SLC35F4: variants seen among roughly 807,000 people sequenced by gnomAD.
The protein encoded by SLC35F4 is chromosome 14 open reading frame 36.
SLC35F4 carries 24 observed loss-of-function variants against 44.2 expected under a neutral mutation model. The observed-to-expected ratio is 0.54, with a 90% CI of 0.39 to 0.76. The LOEUF (loss-of-function observed/expected upper bound fraction) is 0.76. Among genes scored for constraint, SLC35F4 ranks in the 30% least tolerant of loss-of-function variants. The pLI is 0.00. For synonymous variants in SLC35F4, 238 were observed against 223.6 expected (o/e 1.06, Z -0.57); for missense variants, 562 against 586.1 (o/e 0.96, Z 0.42).
chr14:57,657,546 T>C (rs1294387167), intron 1 of SLC35F4, among the ~76,000 whole-genome samples: 1 of 152,198 alleles, frequency 6.6e-6, no homozygotes, highest in Non-Finnish European at 1.5e-5. Flanking sequence ...CATGCATCAT[T>C]TCCCCCAAAA....
chr14:57,718,124 T>C (rs563174082), intron 1 of SLC35F4, among the ~76,000 whole-genome samples: 3 of 152,242 alleles, frequency 2.0e-5, no homozygotes, highest in Non-Finnish European at 2.9e-5. Context: ...GAACATGCTA[T>C]GTTTGTCTTT....
intron 1 of SLC35F4, among the ~76,000 whole-genome samples, chr14:57,981,070 G>A (rs556068098): frequency 2.0e-5 from 3 of 152,312 alleles, no homozygotes; most frequent in Admixed American, 1.3e-4. Flanking sequence ...GAAGGCTGTT[G>A]CCAAACTTCT....
intron 1 of SLC35F4, among the ~76,000 whole-genome samples, chr14:57,676,909 T>A (rs1457163991): frequency 1.3e-5 from 2 of 152,094 alleles, no homozygotes; most frequent in East Asian, 3.8e-4. Context: ...ATCCCACTAC[T>A]GGGACCTACC....
intron 1 of SLC35F4, among the ~76,000 whole-genome samples, chr14:57,695,941 G>A (rs12435179): frequency 0.31 from 47,185 of 151,942 alleles, 7,380 homozygotes; most frequent in South Asian, 0.38. Context: ...ACTCAGGATG[G>A]ATTAAAGACT....
intron 1 of SLC35F4, among the ~76,000 whole-genome samples, chr14:57,667,498 C>A (rs968263640): frequency 5.5e-5 from 8 of 146,628 alleles, no homozygotes; most frequent in African/African-American, 2.1e-4. Context: ...CCCGACCCCA[C>A]AACAGGCCCC....
At chr14:57,931,982 C>T (rs1329324523) in intron 1 of SLC35F4, among the ~76,000 whole-genome samples, 1 of 152,214 alleles carries the variant, frequency 6.6e-6, no homozygotes, top group Non-Finnish European at 1.5e-5. Context: ...AGCAAATCTA[C>T]TTATTTACTC....
intron 1 of SLC35F4, among the ~76,000 whole-genome samples, chr14:57,957,261 G>T (rs1394122737): frequency 6.6e-6 from 1 of 152,058 alleles, no homozygotes; most frequent in Non-Finnish European, 1.5e-5. Context: ...GACATAGGGA[G>T]GGGAATATCA....
At chr14:57,580,509 G>T (rs552600532) in intron 4 of SLC35F4, 8 of 390,504 alleles carry the variant, frequency 2.0e-5, no homozygotes, top group South Asian at 1.6e-4. Context: ...ATGAGATCTG[G>T]CTCCTTAAAT....
chr14:57,903,433 A>T (rs1889047385), intron 1 of SLC35F4, among the ~76,000 whole-genome samples: 1 of 152,190 alleles, frequency 6.6e-6, no homozygotes, highest in African/African-American at 2.4e-5. Context: ...ACATTGGACA[A>T]TGTAAAGATA....
At chr14:57,651,432 C>A (rs574498510) in intron 1 of SLC35F4, among the ~76,000 whole-genome samples, 4 of 152,182 alleles carry the variant, frequency 2.6e-5, no homozygotes, top group African/African-American at 9.6e-5. Flanking sequence ...CCAGCCAGTG[C>A]CCCCAGCTCT....
Position 57,700,601 on chromosome 14 carries a change from C to T in SLC35F4, c.104-106477G>A, listed in dbSNP as rs909288218. On this transcript the variant is annotated intron_variant, in intron 1 of 7. Transcript: ENST00000556826. ...TTAGCTTAAAACACACATTGTATAC[C>T]TGTACAAAAACATTTTCAGGCCAGG... 4.6e-5 allele frequency among the ~76,000 whole-genome samples: 7 copies of T among 151,982 alleles called. No homozygotes were observed. The East Asian group carries it at 1.2e-3, about 25-fold the overall frequency.
intron 1 of SLC35F4, among the ~76,000 whole-genome samples, chr14:57,906,696 C>T (rs1302565112): frequency 6.6e-6 from 1 of 152,188 alleles, no homozygotes; most frequent in Non-Finnish European, 1.5e-5. Flanking sequence ...CATTGGATAT[C>T]TATGGCTAAC....
At chr14:57,751,958 G>T (rs1291175616) in intron 1 of SLC35F4, among the ~76,000 whole-genome samples, 1 of 151,692 alleles carries the variant, frequency 6.6e-6, no homozygotes, top group East Asian at 1.9e-4. Flanking sequence ...GTGTGTTTGT[G>T]TATTTTTTCC....
intron 1 of SLC35F4, among the ~76,000 whole-genome samples, chr14:57,654,586 T>A (rs574475596): frequency 6.6e-6 from 1 of 152,310 alleles, no homozygotes; most frequent in African/African-American, 2.4e-5. Context: ...TAAAATTACT[T>A]ATTTTCCTCT....
chr14:57,582,694 TG>T (rs1212152031), intron 3 of SLC35F4, among the ~76,000 whole-genome samples: 1 of 152,212 alleles, frequency 6.6e-6, no homozygotes, highest in African/African-American at 2.4e-5. Context: ...CTCCAGGCAT[TG>T]TATTTTCATG....
chr14:57,738,423 C>G (rs770577475), intron 1 of SLC35F4, among the ~76,000 whole-genome samples: 63 of 152,120 alleles, frequency 4.1e-4, no homozygotes, highest in Non-Finnish European at 8.7e-4. Context: ...TGTCTCCCAT[C>G]TGCTTCGTTC....
chr14:57,946,337 T>C (rs913885646), intron 1 of SLC35F4, among the ~76,000 whole-genome samples: 1 of 152,294 alleles, frequency 6.6e-6, no homozygotes, highest in Admixed American at 6.5e-5. Flanking sequence ...TTCATTCTTC[T>C]ACATGTGGCT....
At chr14:57,763,594 G>C (rs1252735775) in intron 1 of SLC35F4, among the ~76,000 whole-genome samples, 2 of 152,114 alleles carry the variant, frequency 1.3e-5, no homozygotes, top group East Asian at 3.8e-4. Flanking sequence ...TTGGTGCCTA[G>C]AAAGAACTTA....
intron 1 of SLC35F4, among the ~76,000 whole-genome samples, chr14:57,928,036 A>G (rs1421770199): frequency 6.6e-6 from 1 of 151,304 alleles, no homozygotes; most frequent in Non-Finnish European, 1.5e-5. Context: ...TAACTGTTCT[A>G]CTCTGGTGTA....
Sources: allele counts gnomAD v4.1 joint callset (sites outside exome capture counted in the v4.1 genomes callset), GRCh38; gene constraint gnomAD v4.1.1; transcripts MANE v1.5; gene names NCBI Gene and HGNC (gene_info 2026-07-23, HGNC 2026-07-21).